GOLGA6L9: variants seen among roughly 807,000 people sequenced by gnomAD.
GOLGA6L9 encodes golgin subfamily A member 6-like protein 9.
Under a neutral mutation model 51.3 loss-of-function variants are expected in GOLGA6L9, and 19 were observed. The observed-to-expected ratio is 0.37, with a 90% CI of 0.26 to 0.54. The LOEUF is 0.54. Among genes scored for constraint, GOLGA6L9 ranks in the 20% least tolerant of loss-of-function variants. The pLI is 0.83. For synonymous variants in GOLGA6L9, 97 were observed against 184.2 expected, an observed-to-expected ratio of 0.53 and a Z score of 3.83; for missense variants, 247 against 464.1, an observed-to-expected ratio of 0.53 and a Z score of 4.30.
At chr15:82,427,497 C>G (rs1417081507), upstream of GOLGA6L9, among the ~76,000 whole-genome samples, 18 of 151,584 alleles carry the variant, frequency 1.2e-4, no homozygotes, top group African/African-American at 4.4e-4. Flanking sequence ...AATTTGAAAG[C>G]CTTTTAACTT....
the GOLGA6L9 span, among the ~76,000 whole-genome samples, chr15:82,417,710 A>G: frequency 6.6e-6 from 1 of 152,216 alleles, no homozygotes; most frequent in South Asian, 2.1e-4. Context: ...TTCCCAAAAC[A>G]AGTTCCTGTC....
chr15:82,419,688 A>G, the GOLGA6L9 span, among the ~76,000 whole-genome samples: 9 of 152,138 alleles, frequency 5.9e-5, no homozygotes, highest in Non-Finnish European at 1.0e-4. Context: ...AAACAGAATG[A>G]AAAAGGCAAA....
chr15:82,419,734 T>C, the GOLGA6L9 span, among the ~76,000 whole-genome samples: 1 of 152,212 alleles, frequency 6.6e-6, no homozygotes, highest in African/African-American at 2.4e-5. Context: ...GCTGAATTTA[T>C]GCTAGGATAG....
At chr15:82,429,312 T>C (rs879100086), upstream of GOLGA6L9, among the ~76,000 whole-genome samples, 228 of 152,220 alleles carry the variant, frequency 1.5e-3, 1 homozygote, top group African/African-American at 4.8e-3. Flanking sequence ...TGACCTCAGG[T>C]CATCCACCCA....
chr15:82,433,670 C>A (rs2031519002), intron 5 of GOLGA6L9, 21 bp downstream of exon 5: 1 of 747,318 alleles, frequency 1.3e-6, no homozygotes, highest in Non-Finnish European at 2.1e-6. Context: ...GCTGGCATGA[C>A]CTGGCAGCTG....
chr15:82,436,597 T>C lies in GOLGA6L9; in HGVS notation c.*186T>C, dbSNP rs2031693351. Reference sequence around the variant, plus strand: ...GTTTCTAATTTATAGTTTAAATTTATTTGTGTTTCTAATTTATAGTTTAAA... The same window carrying C: ...GTTTCTAATTTATAGTTTAAATTTACTTGTGTTTCTAATTTATAGTTTAAA... On this transcript the variant is annotated 3_prime_UTR_variant, in exon 9 of 9. Coordinates refer to ENST00000618348, the MANE Select transcript of GOLGA6L9 (RefSeq NM_198181.4). 1 of 584,190 alleles carries C rather than the reference T, an allele frequency of 1.7e-6. No individual in the cohort carries two copies. The highest frequency in any genetic ancestry group is 1.9e-5 in the African/African-American group (1 of 53,332). The allele number at this position is 584,190 out of a possible 1,614,324, so 36.2% of individuals were successfully genotyped here. A position where few individuals can be genotyped will look rare whatever the true frequency, so the allele number is the denominator to read the frequency against.
chr15:82,418,654 A>G, the GOLGA6L9 span: 1 of 152,246 alleles, frequency 6.6e-6, no homozygotes, highest in East Asian at 1.9e-4. Flanking sequence ...TTTGGTTCAG[A>G]GAACAGTCTT....
chr15:82,419,649 C>CA, the GOLGA6L9 span, among the ~76,000 whole-genome samples: 7 of 150,912 alleles, frequency 4.6e-5, no homozygotes, highest in Non-Finnish European at 8.9e-5. Flanking sequence ...GACTCCATCT[C>CA]AAAAAAACAA....
upstream of GOLGA6L9, among the ~76,000 whole-genome samples, chr15:82,429,437 A>T (rs2031320340): frequency 1.3e-5 from 2 of 152,172 alleles, no homozygotes; most frequent in Non-Finnish European, 2.9e-5. Flanking sequence ...AATCTTAACA[A>T]TAATGTAGGA....
intron 4 of GOLGA6L9, among the ~76,000 whole-genome samples, chr15:82,433,316 C>CA (rs2031495645): frequency 6.6e-6 from 1 of 151,920 alleles, no homozygotes; most frequent in Non-Finnish European, 1.5e-5. Flanking sequence ...CTCTGAAAGT[C>CA]AGAGATTTAA....
chr15:82,417,250 A>G, the GOLGA6L9 span, among the ~76,000 whole-genome samples: 1 of 152,180 alleles, frequency 6.6e-6, no homozygotes, highest in Non-Finnish European at 1.5e-5. Flanking sequence ...TATATGTGGC[A>G]TATTATCCTT....
upstream of GOLGA6L9, among the ~76,000 whole-genome samples, chr15:82,429,227 A>G (rs1350263875): frequency 6.6e-6 from 1 of 151,596 alleles, no homozygotes; most frequent in East Asian, 2.0e-4. Flanking sequence ...AGCACCCACC[A>G]CCACACCTGG....
chr15:82,436,466 T>G lies in GOLGA6L9; in HGVS notation c.*55T>G. The G allele has an allele frequency of 6.5e-7, 1 of 1,537,504 alleles. No individual in the cohort carries two copies. Among genetic ancestry groups the G allele is most frequent in the Non-Finnish European group, 8.8e-7 (1 of 1,133,564 alleles). ...CAAAACATTTAAGGGGTTAATATCC[T>G]ACACAATTCATTTACTTCATTTGAA... On this transcript the variant is annotated 3_prime_UTR_variant, in exon 9 of 9. Coordinates refer to ENST00000618348, the MANE Select transcript of GOLGA6L9 (RefSeq NM_198181.4).
Position 82,437,738 on chromosome 15 carries a change from G to A in GOLGA6L9, c.*1327G>A, listed in dbSNP as rs1285074370. ...GTTGAAACAAAAAGGAGTTTTAGTA[G>A]ACAGTATTATACTACATTTGAAAAT... On this transcript the variant is annotated 3_prime_UTR_variant, in exon 9 of 9. Transcript: ENST00000618348. 5.3e-5 allele frequency: 8 copies of A among 150,034 alleles called. No homozygotes were observed. Among genetic ancestry groups the A allele is most frequent in the African/African-American group, 2.0e-4 (8 of 40,492 alleles). 9.3% of individuals were successfully genotyped at this position (150,034 alleles called of 1,614,324 possible).
In GOLGA6L9 at chr15:82,434,187, G is replaced by T. The variant is rs2031549117; in HGVS notation, c.587G>T (p.Arg196Ile). The T allele has an allele frequency of 1.3e-6, 2 of 1,543,498 alleles. No homozygotes were observed. The highest frequency in any genetic ancestry group is 1.7e-6 in the Non-Finnish European group (2 of 1,152,146). ...CAGATGTTGAGTCTCCTGAACAGGA[G>T]ACAGGAGGAGAGGCTACGTGAACAG... is the stretch of plus-strand genomic sequence containing the variant. ...NNQMLSLLNR[R>I]QEERLREQEE... The change falls in exon 6 of 9, where the codon AGA becomes ATA. Residue 196 changes from arginine (R) to isoleucine (I), a missense_variant. Transcript: ENST00000618348.
At position 82,432,823 on chromosome 15, in the gene GOLGA6L9, T is replaced by C. The variant is rs2031466888; in HGVS notation, c.271T>C (p.Tyr91His). The C allele has an allele frequency of 6.2e-7, 1 of 1,612,204 alleles. No homozygotes were observed. The highest frequency in any genetic ancestry group is 1.3e-5 in the African/African-American group (1 of 74,700). The change falls in exon 4 of 9, where the codon TAC (tyrosine) becomes CAC (histidine). Residue 91 changes from tyrosine (Y) to histidine (H), a missense_variant. Coordinates refer to ENST00000618348, the MANE Select transcript of GOLGA6L9 (RefSeq NM_198181.4). ...CTCTCTGCATGCACCTCAGAGCCAG[T>C]ACCAAGAACTAGCAGTAGCCCTGGA... ...STTLQDLESQ[Y>H]QELAVALDSS...
upstream of GOLGA6L9, among the ~76,000 whole-genome samples, chr15:82,427,441 C>T (rs2150823843): frequency 6.6e-6 from 1 of 152,086 alleles, no homozygotes; most frequent in South Asian, 2.1e-4. Flanking sequence ...CTTTCTTTCA[C>T]TAGCCAAGCT....
rs1249129535 is a variant in GOLGA6L9 at position 82,434,329 on chromosome 15, A to C, written c.729A>C (p.Pro243=). 1.3e-6 allele frequency: 2 copies of C among 1,536,928 alleles called. No homozygotes were observed. The highest frequency in any genetic ancestry group is 3.9e-5 in the Admixed American group (2 of 51,130). Residue 243 remains proline, a synonymous_variant, in exon 6 of 9, where the codon CCA becomes CCC. Coordinates refer to ENST00000618348, the MANE Select transcript of GOLGA6L9 (RefSeq NM_198181.4). ...GGCTGTGTGAACAGGAGAAGCTGCCAGGGCAGGAGAGGCTGCTGGAAGAGG... is the reference window on the plus strand; with the variant it reads ...GGCTGTGTGAACAGGAGAAGCTGCCCGGGCAGGAGAGGCTGCTGGAAGAGG... ...EERLCEQEKL[P]GQERLLEEVE... is the part of the protein sequence containing the mutation.
At chr15:82,420,813 G>T in the GOLGA6L9 span, among the ~76,000 whole-genome samples, 90 of 151,500 alleles carry the variant, frequency 5.9e-4, 1 homozygote, top group African/African-American at 1.9e-3. Context: ...AGCCAGAGGG[G>T]TTTTTTTTGT....
Sources: gnomAD v4.1 joint callset for allele counts (sites outside exome capture counted in the v4.1 genomes callset) on GRCh38, gnomAD v4.1.1 for gene constraint, MANE v1.5 for transcripts, NCBI Gene and HGNC (gene_info 2026-07-23, HGNC 2026-07-21) for gene names.